The following CCDC170 variants were observed in gnomAD, a reference collection of about 807,000 sequenced individuals.
The protein encoded by CCDC170 is coiled-coil domain-containing protein 170.
In CCDC170, 69 loss-of-function variants were observed where a neutral mutation model predicts 72.6. The ratio of observed to expected loss-of-function variants is 0.95; its 90% CI spans 0.78 to 1.16. The LOEUF is 1.16. Among genes scored for constraint, CCDC170 ranks in the 50% most tolerant of loss-of-function variants. The probability of loss-of-function intolerance (pLI) is 0.00; values close to 1 mark genes in which losing one functional copy is unlikely to be tolerated. For missense variants in CCDC170, 852 were observed against 832.5 expected, an observed-to-expected ratio of 1.02 and a Z score of -0.29; for synonymous variants, 300 against 303.9, an observed-to-expected ratio of 0.99 and a Z score of 0.13.
At chr6:151,549,490 T>C (rs773408700) in intron 5 of CCDC170, among the ~76,000 whole-genome samples, 17 of 152,188 alleles carry the variant, frequency 1.1e-4, no homozygotes, top group Non-Finnish European at 2.5e-4. Context: ...AGAAACAAAA[T>C]TCTAAATGTA....
At chr6:151,517,111 G>A (rs1426253362) in intron 1 of CCDC170, among the ~76,000 whole-genome samples, 2 of 152,158 alleles carry the variant, frequency 1.3e-5, no homozygotes, top group African/African-American at 4.8e-5. Flanking sequence ...CTAGGTGGAT[G>A]GATACCTGAG....
intron 6 of CCDC170, among the ~76,000 whole-genome samples, chr6:151,575,976 A>C (rs946504506): frequency 6.6e-6 from 1 of 152,174 alleles, no homozygotes; most frequent in Non-Finnish European, 1.5e-5. Context: ...AAAATGATTT[A>C]TAGGTTTGGA....
chr6:151,618,814 C>T lies in CCDC170; in HGVS notation c.*667C>T, dbSNP rs991365216. Reference sequence around the variant, plus strand: ...TCATTTGAGGTCAGGAGTTTAAGACCAGCCTGGCTAACATAGTGAGACCCT... The same window carrying T: ...TCATTTGAGGTCAGGAGTTTAAGACTAGCCTGGCTAACATAGTGAGACCCT... On this transcript the variant is annotated 3_prime_UTR_variant, in exon 11 of 11. Transcript: ENST00000239374. 6.6e-6 allele frequency: 1 copy of T among 152,356 alleles called. No individual in the cohort carries two copies. Among genetic ancestry groups the T allele is most frequent in the Non-Finnish European group, 1.5e-5 (1 of 68,260 alleles). The allele number at this position is 152,356 out of a possible 1,614,324, so 9.4% of individuals were successfully genotyped here.
intron 1 of CCDC170, among the ~76,000 whole-genome samples, chr6:151,512,162 G>GT (rs546546640): frequency 0.06 from 7,547 of 126,328 alleles, 523 homozygotes; most frequent in African/African-American, 0.16. Context: ...GTTTTTTTTT[G>GT]TTTTTTTTTT....
At chr6:151,603,591 A>G (rs1395248723) in intron 9 of CCDC170, among the ~76,000 whole-genome samples, 1 of 152,222 alleles carries the variant, frequency 6.6e-6, no homozygotes, top group African/African-American at 2.4e-5. Context: ...TGCATCAGTT[A>G]TCATTAGTTT....
intron 9 of CCDC170, among the ~76,000 whole-genome samples, chr6:151,601,656 G>A (rs1230147389): frequency 6.6e-6 from 1 of 152,124 alleles, no homozygotes; most frequent in African/African-American, 2.4e-5. Context: ...ATGCAATTAT[G>A]GAGACTAGCA....
chr6:151,577,198 G>A (rs1256652757), intron 6 of CCDC170, among the ~76,000 whole-genome samples: 3 of 152,146 alleles, frequency 2.0e-5, no homozygotes, highest in Non-Finnish European at 4.4e-5. Flanking sequence ...CCAGTCCTGT[G>A]CATTGCAGGA....
At chr6:151,495,181 G>C (rs1781891544) in intron 1 of CCDC170, among the ~76,000 whole-genome samples, 1 of 152,118 alleles carries the variant, frequency 6.6e-6, no homozygotes. Flanking sequence ...TTTTACATCT[G>C]ACCTGTATTT....
Position 151,499,282 on chromosome 6 carries a change from A to G in CCDC170, c.57+5097A>G, listed in dbSNP as rs185027986. ...GACTGTATTTGACTCTTCTAGGCAC[A>G]CTGTATAAGTGGAATCAGACTGTAT... On this transcript the variant is annotated intron_variant, in intron 1 of 10. Transcript: ENST00000239374. Among the ~76,000 whole-genome samples the G allele has an allele frequency of 3.3e-3, 289 of 88,416 alleles. 13 individuals carry two copies. The highest frequency in any genetic ancestry group is 6.7e-3 in the Middle Eastern group (1 of 150). 58.0% of individuals were successfully genotyped at this position (88,416 alleles called of 152,430 possible).
chr6:151,578,743 C>T (rs982242301), intron 6 of CCDC170, among the ~76,000 whole-genome samples: 4 of 152,138 alleles, frequency 2.6e-5, no homozygotes, highest in South Asian at 2.1e-4. Context: ...AGGATTTGGT[C>T]GACACTTTCT....
chr6:151,538,723 G>A (rs1782632553), intron 3 of CCDC170, among the ~76,000 whole-genome samples: 1 of 152,172 alleles, frequency 6.6e-6, no homozygotes, highest in Non-Finnish European at 1.5e-5. Context: ...TTTATTGCTA[G>A]TTTATGCAGA....
chr6:151,594,417 G>A (rs1236986695), intron 8 of CCDC170, among the ~76,000 whole-genome samples: 3 of 152,026 alleles, frequency 2.0e-5, no homozygotes, highest in Non-Finnish European at 4.4e-5. Flanking sequence ...ATTCATGTTT[G>A]GCTTCTTCTC....
intron 10 of CCDC170, among the ~76,000 whole-genome samples, chr6:151,616,149 A>G (rs1776964327): frequency 6.6e-6 from 1 of 152,140 alleles, no homozygotes; most frequent in African/African-American, 2.4e-5. Context: ...GCATCATCAT[A>G]GAGCTCTTAA....
chr6:151,580,726 T>C (rs1229647627), intron 6 of CCDC170, among the ~76,000 whole-genome samples: 3 of 152,166 alleles, frequency 2.0e-5, no homozygotes, highest in Non-Finnish European at 2.9e-5. Context: ...TTGAGAGCCA[T>C]GGAAGCACAG....
At chr6:151,509,683 C>A (rs1227003924) in intron 1 of CCDC170, among the ~76,000 whole-genome samples, 2 of 152,094 alleles carry the variant, frequency 1.3e-5, no homozygotes, top group African/African-American at 4.8e-5. Context: ...AAAATTAAAT[C>A]AATTATTTGA....
intron 9 of CCDC170, among the ~76,000 whole-genome samples, chr6:151,597,575 T>C (rs1327283112): frequency 6.6e-6 from 1 of 152,078 alleles, no homozygotes; most frequent in Non-Finnish European, 1.5e-5. Context: ...CTGAAAAGAG[T>C]CAGGCAGGCA....
At chr6:151,552,594 T>C (rs1379895022) in intron 5 of CCDC170, among the ~76,000 whole-genome samples, 1 of 152,114 alleles carries the variant, frequency 6.6e-6, no homozygotes, top group Non-Finnish European at 1.5e-5. Flanking sequence ...AATCAATTAT[T>C]CTCTTTCAGT....
At chr6:151,539,655 T>A (rs1395299508) in intron 3 of CCDC170, among the ~76,000 whole-genome samples, 2 of 152,224 alleles carry the variant, frequency 1.3e-5, no homozygotes, top group African/African-American at 4.8e-5. Context: ...TTTAAGAATC[T>A]AAATGCTGGT....
rs186797166 is a variant in CCDC170, at chr6:151,550,443, T to C, written c.774+1954T>C. Among the ~76,000 whole-genome samples, 243 of 152,310 alleles carry C rather than the reference T, an allele frequency of 1.6e-3. 1 individual carries two copies. Among genetic ancestry groups the C allele is most frequent in the Non-Finnish European group, 2.0e-3 (137 of 68,038 alleles). On this transcript the variant is annotated intron_variant, in intron 5 of 10. Coordinates refer to ENST00000239374, the MANE Select transcript of CCDC170 (RefSeq NM_025059.4). ...CTTTTCTGTCTAGTGACAGCCACAC[T>C]GAGGTGAGAAGGGAAGTTGGAAAGC...
Sources: gnomAD v4.1 joint callset for allele counts (sites outside exome capture counted in the v4.1 genomes callset) on GRCh38, gnomAD v4.1.1 for gene constraint, MANE v1.5 for transcripts, NCBI Gene and HGNC (gene_info 2026-07-23, HGNC 2026-07-21) for gene names.